PROZ: variants seen among roughly 807,000 people sequenced by gnomAD.
The protein encoded by PROZ is protein Z, vitamin K dependent plasma glycoprotein.
A neutral mutation model predicts 34.9 loss-of-function variants in PROZ; 46 were observed. The observed-to-expected ratio is 1.32, with a 90% confidence interval of 1.04 to 1.69. PROZ has a LOEUF of 1.69. PROZ is among the 40% of genes most tolerant of loss of function. PROZ has a pLI of 0.00. For synonymous variants in PROZ, 195 were observed against 208.5 expected, an observed-to-expected ratio of 0.94 and a Z score of 0.56; for missense variants, 530 against 520.4, an observed-to-expected ratio of 1.02 and a Z score of -0.18.
In PROZ at chr13:113,161,433, A is replaced by G. The variant is rs3024725; in HGVS notation, c.259+461A>G. Among the ~76,000 whole-genome samples the G allele has an allele frequency of 4.9e-3, 739 of 152,224 alleles. 5 individuals carry two copies. The highest frequency in any genetic ancestry group is 0.017 in the African/African-American group (710 of 41,534). On this transcript the variant is annotated intron_variant, in intron 3 of 7. Transcript: ENST00000375547. ...GCAACTGCAGAAGAGCATGGGACAG[A>G]AGTAACACAGATGGAGACCCACGGG...
chr13:113,166,476 C>CTTA (rs2036936570), intron 6 of PROZ: 1 of 152,118 alleles, frequency 6.6e-6, no homozygotes, highest in South Asian at 2.1e-4. Context: ...GTCAGTTTCA[C>CTTA]CCGACTCTTA....
rs1595130119 is a variant in PROZ, at chr13:113,171,461, A to T, written c.692-133A>T. On this transcript the variant is annotated intron_variant, in intron 7 of 7. Transcript: ENST00000375547. This position sits in a 1 kb window ranked among gnomAD's most constrained non-coding sequence, Gnocchi z 5.1. ...CGCAGAAAGGCACAGTGTCCACACCACGGGGCGGTGAGCCTGCGGGTCCTC... is the reference window on the plus strand; with the variant it reads ...CGCAGAAAGGCACAGTGTCCACACCTCGGGGCGGTGAGCCTGCGGGTCCTC... 3.7e-6 allele frequency: 4 copies of T among 1,081,848 alleles called. No homozygotes were observed. In the East Asian group the frequency reaches 7.6e-5, roughly 21 times the overall value. 67.0% of individuals were successfully genotyped at this position (1,081,848 alleles called of 1,614,324 possible). A position where few individuals can be genotyped will look rare whatever the true frequency, so the allele number is the denominator to read the frequency against.
rs763843821 is a variant in PROZ, at chr13:113,160,115, T to C, written c.172T>C (p.Cys58Arg). The C allele has an allele frequency of 5.6e-6, 9 of 1,614,138 alleles. No individual in the cohort carries two copies. The highest frequency in any genetic ancestry group is 7.6e-6 in the Non-Finnish European group (9 of 1,180,028). Residue 58 changes from cysteine (C) to arginine (R), a missense_variant, in exon 2 of 8, where the codon TGT becomes CGT. Cys to Arg is a radical substitution (Grantham distance 180). Coordinates refer to ENST00000375547, the MANE Select transcript of PROZ (RefSeq NM_003891.3). The stretch of plus-strand genomic sequence containing the variant: ...CTTCGAGGGAAACTTGGAAAAAGAA[T>C]GTTATGAAGAAATCTGTGTCTATGA... The part of the protein sequence containing the change: ...ELFEGNLEKE[C>R]YEEICVYEEA...
intron 6 of PROZ, among the ~76,000 whole-genome samples, chr13:113,167,731 C>T (rs1190420517): frequency 6.6e-6 from 1 of 152,042 alleles, no homozygotes; most frequent in Non-Finnish European, 1.5e-5. Context: ...CATTTTTATC[C>T]AGTGTGAAAA....
At chr13:113,161,231 C>T (rs1384363352) in intron 3 of PROZ, among the ~76,000 whole-genome samples, 2 of 152,218 alleles carry the variant, frequency 1.3e-5, no homozygotes, top group Non-Finnish European at 2.9e-5. Flanking sequence ...CACTCTGGGA[C>T]ATGGGCCACA....
chr13:113,158,686 A>G lies in PROZ; in HGVS notation c.26A>G (p.Gln9Arg). The G allele has an allele frequency of 1.2e-6, 2 of 1,606,362 alleles. No homozygotes were observed. The highest frequency in any genetic ancestry group is 1.7e-6 in the Non-Finnish European group (2 of 1,177,082). Residue 9 changes from glutamine to arginine, a missense_variant, in exon 1 of 8, where the codon CAG becomes CGG. Physicochemically the swap from Gln to Arg is conservative, Grantham distance 43. Transcript: ENST00000375547. This position sits in a 1 kb window ranked among gnomAD's most constrained non-coding sequence, Gnocchi z 4.3. MAGCVPLL[Q>R]GLVLVLALHR... is the part of the protein sequence containing the mutation. Reference sequence around the variant, plus strand: ...ATGGCAGGCTGCGTCCCACTGCTCCAGGGCCTGGTCCTGGTCCTCGCCCTC... The same window carrying G: ...ATGGCAGGCTGCGTCCCACTGCTCCGGGGCCTGGTCCTGGTCCTCGCCCTC...
At chr13:113,165,004 C>A (rs751389856) in intron 5 of PROZ, 49 bp from the exon 6 acceptor site, 2 of 1,559,448 alleles carry the variant, frequency 1.3e-6, no homozygotes, top group East Asian at 2.2e-5. Context: ...GTCCGATATT[C>A]GCTGAGAAGG....
chr13:113,164,642 A>C lies in PROZ; in HGVS notation c.503A>C (p.His168Pro), dbSNP rs1333512018. 1.2e-6 allele frequency: 2 copies of C among 1,613,610 alleles called. No individual in the cohort carries two copies. Among genetic ancestry groups the C allele is most frequent in the Admixed American group, 3.3e-5 (2 of 60,010 alleles). The change falls in exon 5 of 8, where the codon CAC (histidine) becomes CCC (proline). Residue 168 changes from histidine (H) to proline (P), a missense_variant and splice_region_variant. Transcript: ENST00000375547. ...LGEDHKQCVPHDQCACGVLTS... is the reference protein window; with the variant it reads ...LGEDHKQCVPPDQCACGVLTS... ...GAGGACCACAAACAGTGTGTGCCCC[A>C]CGGTGAGTGCTCAGACCACAGCGGC...
rs200606125 is a variant in PROZ, at chr13:113,165,247, A to G, written c.573+127A>G. ...CTGACTTTGATGGGCTACTGACTGC[A>G]CTGACCAACCTCTATTCACACTTCC... is the stretch of plus-strand genomic sequence containing the variant. On this transcript the variant is annotated intron_variant, in intron 6 of 7. Coordinates refer to ENST00000375547, the MANE Select transcript of PROZ (RefSeq NM_003891.3). 114 of 900,612 alleles carry G rather than the reference A, an allele frequency of 1.3e-4. 3 individuals are homozygous for G. The East Asian group carries it at 3.0e-3, about 23-fold the overall frequency. The allele number at this position is 900,612 out of a possible 1,614,324, so 55.8% of individuals were successfully genotyped here.
In PROZ at chr13:113,165,095, C is replaced by G. The variant is rs1258419111; in HGVS notation, c.548C>G (p.Pro183Arg). Residue 183 changes from proline (P) to arginine (R), a missense_variant, in exon 6 of 8, where the codon CCG becomes CGG. Pro to Arg is a moderately radical substitution (Grantham distance 103). Transcript: ENST00000375547. ...GTGCTGACCTCTGAGAAGCGTGCAC[C>G]GGATCTACAGGACCTCCCGTGGCAG... Reference protein sequence around the residue: ...CGVLTSEKRAPDLQDLPWQVK... With the variant: ...CGVLTSEKRARDLQDLPWQVK... 6.2e-7 allele frequency: 1 copy of G among 1,612,464 alleles called. No homozygotes were observed. Among genetic ancestry groups the G allele is most frequent in the African/African-American group, 1.3e-5 (1 of 74,994 alleles).
At chr13:113,162,961 G>T in intron 3 of PROZ, 48 bp from the exon 4 acceptor site, 1 of 1,261,778 alleles carries the variant, frequency 7.9e-7, no homozygotes, top group Admixed American at 2.1e-5. Context: ...TCCTGCTCAG[G>T]TCCCCGTTCC....
chr13:113,161,094 G>A (rs925701579), intron 3 of PROZ, 122 bp downstream of exon 3: 13 of 906,282 alleles, frequency 1.4e-5, no homozygotes, highest in African/African-American at 9.8e-5. Flanking sequence ...CAGGACCCAC[G>A]GTGTCTCTCC....
chr13:113,171,625 G>T lies in PROZ; in HGVS notation c.723G>T (p.Met241Ile), dbSNP rs759624360. Residue 241 changes from methionine to isoleucine, a missense_variant, in exon 8 of 8, where the codon ATG (methionine) becomes ATT (isoleucine). By Grantham distance (10) the Met-to-Ile change is conservative. Transcript: ENST00000375547. The surrounding 1 kb of genome is among the most constrained non-coding windows in gnomAD (Gnocchi z 5.1). ...ACAGAACGAGCCAAGACCCGCTGAT[G>T]ATCAAGATAACGCACGTCCATGTGC... is the stretch of plus-strand genomic sequence containing the variant. ...YFNRTSQDPL[M>I]IKITHVHVHM... 6.2e-7 allele frequency: 1 copy of T among 1,614,156 alleles called. No individual in the cohort carries two copies. Among genetic ancestry groups the T allele is most frequent in the South Asian group, 1.1e-5 (1 of 91,080 alleles).
In PROZ at chr13:113,160,967, A is replaced by G. The variant is rs751661804; in HGVS notation, c.254A>G (p.Tyr85Cys). ...CTAAAGGATGAATTCTGGAGACGAT[A>G]TAAGGGTAAGTGGTTTCCTTCGTCT... The part of the protein sequence containing the change: ...EVVTDEFWRR[Y>C]KGGSPCISQP... The change falls in exon 3 of 8, where the codon TAT (tyrosine) becomes TGT (cysteine). Residue 85 changes from tyrosine (Y) to cysteine (C), a missense_variant. Transcript: ENST00000375547. The G allele has an allele frequency of 3.7e-6, 6 of 1,606,502 alleles. No individual in the cohort carries two copies. The highest frequency in any genetic ancestry group is 1.3e-5 in the African/African-American group (1 of 74,756).
In PROZ at chr13:113,171,996, G is replaced by C. The variant is rs1315516107; in HGVS notation, c.1094G>C (p.Trp365Ser). Residue 365 changes from tryptophan (W) to serine (S), a missense_variant, in exon 8 of 8, where the codon TGG becomes TCG. Physicochemically the swap from Trp to Ser is radical, Grantham distance 177. Coordinates refer to ENST00000375547, the MANE Select transcript of PROZ (RefSeq NM_003891.3). The surrounding 1 kb of genome is among the most constrained non-coding windows in gnomAD (Gnocchi z 5.1). ...GTCACCAGAGAACACAGAGGCTCCT[G>C]GTTTCTCACGGGGGTCCTGGGCTCG... ...SVVTREHRGS[W>S]FLTGVLGSQP... is the part of the protein sequence containing the mutation. 5 of 1,613,188 alleles carry C rather than the reference G, an allele frequency of 3.1e-6. No individual in the cohort carries two copies. The highest frequency in any genetic ancestry group is 3.4e-6 in the Non-Finnish European group (4 of 1,180,052).
Position 113,159,977 on chromosome 13 carries a change from G to C in PROZ, c.71-37G>C, listed in dbSNP as rs769087377. 5.6e-6 allele frequency: 9 copies of C among 1,612,196 alleles called. No homozygotes were observed. In the Admixed American group the frequency reaches 1.3e-4, roughly 24 times the overall value. ...GCAGCTCTGGAAAGCAGGGCCCTCG[G>C]TGCTCCCAGTCACCTGCCTTCTTGT... On this transcript the variant is annotated intron_variant, in intron 1 of 7. Transcript: ENST00000375547. This position sits in a 1 kb window ranked among gnomAD's most constrained non-coding sequence, Gnocchi z 4.6.
At chr13:113,164,173 T>G (rs1427898648) in intron 4 of PROZ, among the ~76,000 whole-genome samples, 1 of 151,840 alleles carries the variant, frequency 6.6e-6, no homozygotes, top group Non-Finnish European at 1.5e-5. Flanking sequence ...AGAGATGGGG[T>G]TTCACCATGT....
intron 4 of PROZ, 28 bp downstream of exon 4, chr13:113,163,150 A>C: frequency 4.0e-6 from 6 of 1,504,810 alleles, no homozygotes; most frequent in Non-Finnish European, 5.4e-6. Flanking sequence ...CCCTTCCCCC[A>C]AGGGCCTCCC....
Position 113,159,165 on chromosome 13 carries a change from C to T in PROZ, c.70+435C>T. ...GTCAGGAGACATAGCCAGGGAGCAG[C>T]CACCCTGCCTGCCTGCCACCCTTCT... is the stretch of plus-strand genomic sequence containing the variant. On this transcript the variant is annotated intron_variant, in intron 1 of 7. Transcript: ENST00000375547. This position sits in a 1 kb window ranked among gnomAD's most constrained non-coding sequence, Gnocchi z 4.6. 7.0e-7 allele frequency: 1 copy of T among 1,433,872 alleles called. No homozygotes were observed. The allele number at this position is 1,433,872 out of a possible 1,614,324, so 88.8% of individuals were successfully genotyped here. A position where few individuals can be genotyped will look rare whatever the true frequency, so the allele number is the denominator to read the frequency against.
Sources: allele counts gnomAD v4.1 joint callset (sites outside exome capture counted in the v4.1 genomes callset), GRCh38; gene constraint gnomAD v4.1.1; non-coding constraint Gnocchi (gnomAD v3.1); transcripts MANE v1.5; gene names NCBI Gene and HGNC (gene_info 2026-07-23, HGNC 2026-07-21).